Variants in TESPA1 observed in about 807,000 individuals in gnomAD.
TESPA1 encodes protein TESPA1.
TESPA1 carries 33 observed loss-of-function variants against 57.9 expected under a neutral mutation model. That is an observed-to-expected ratio of 0.57 (90% confidence interval 0.43 to 0.76). The LOEUF is 0.76. TESPA1 is among the 30% of genes least tolerant of loss of function. The pLI, the probability that TESPA1 is intolerant of heterozygous loss-of-function variation, is 0.00. For synonymous variants in TESPA1, 227 were observed against 228.9 expected, an observed-to-expected ratio of 0.99 and a Z score of 0.07; for missense variants, 618 against 632.9, an observed-to-expected ratio of 0.98 and a Z score of 0.25.
chr12:54,959,317 T>G (rs557593277), intron 10 of TESPA1, among the ~76,000 whole-genome samples: 1 of 152,308 alleles, frequency 6.6e-6, no homozygotes, highest in African/African-American at 2.4e-5. Context: ...TAAAACCTCA[T>G]CCGGTTAGGT....
chr12:54,961,341 T>G (rs2136091411), intron 9 of TESPA1, 74 bp from the exon 10 acceptor site: 1 of 1,543,314 alleles, frequency 6.5e-7, no homozygotes, highest in African/African-American at 1.4e-5. Context: ...AGGTGGCAGG[T>G]AGCTGTAGGG....
chr12:54,952,502 A>G (rs76724641), intron 10 of TESPA1, among the ~76,000 whole-genome samples: 3 of 152,234 alleles, frequency 2.0e-5, no homozygotes, highest in East Asian at 1.9e-4. Context: ...GCTATTTTAT[A>G]GTTTTGCAAG....
Position 54,963,895 on chromosome 12 carries a change from G to A in TESPA1, c.502C>T (p.Leu168=). ...QEDAEDVLFS[L]GFGQEDHKDT... The stretch of plus-strand genomic sequence containing the variant: ...TTGTGATCCTCTTGGCCAAAGCCCA[G>A]ACTGAAGAGGACATCTTCTGCATCT... Residue 168 remains leucine, a synonymous_variant, in exon 8 of 11, where the codon CTG becomes TTG. Transcript: ENST00000449076. 1 of 1,614,030 alleles carries A rather than the reference G, an allele frequency of 6.2e-7. No individual in the cohort carries two copies. Among genetic ancestry groups the A allele is most frequent in the Non-Finnish European group, 8.5e-7 (1 of 1,179,878 alleles).
intron 1 of TESPA1, among the ~76,000 whole-genome samples, chr12:54,975,043 C>T (rs550536694): frequency 1.3e-5 from 2 of 152,220 alleles, no homozygotes; most frequent in East Asian, 3.9e-4. Context: ...CTCATCAAGA[C>T]ATATGAAAAA....
At chr12:54,963,351 A>C in intron 8 of TESPA1, 109 bp from the exon 9 acceptor site, 5 of 1,089,680 alleles carry the variant, frequency 4.6e-6, no homozygotes, top group Non-Finnish European at 6.4e-6. Context: ...GAAGCTTCCA[A>C]TTTTCCTACT....
intron 10 of TESPA1, among the ~76,000 whole-genome samples, chr12:54,952,469 A>G (rs1159762316): frequency 6.6e-6 from 1 of 152,234 alleles, no homozygotes; most frequent in Non-Finnish European, 1.5e-5. Context: ...GTACAGTGTT[A>G]ATCTTGACTT....
At chr12:54,957,639 G>A (rs994191596) in intron 10 of TESPA1, among the ~76,000 whole-genome samples, 8 of 152,156 alleles carry the variant, frequency 5.3e-5, no homozygotes, top group Admixed American at 2.6e-4. Context: ...GAAAAATTTG[G>A]GAACTACTGT....
At chr12:54,971,653 A>G (rs1206471998) in intron 3 of TESPA1, among the ~76,000 whole-genome samples, 1 of 152,166 alleles carries the variant, frequency 6.6e-6, no homozygotes, top group Non-Finnish European at 1.5e-5. Context: ...TGCACCAGTC[A>G]CTCTATTTTC....
intron 5 of TESPA1, 113 bp downstream of exon 5, chr12:54,967,070 G>A: frequency 8.5e-7 from 1 of 1,176,496 alleles, no homozygotes; most frequent in South Asian, 1.3e-5. Context: ...CTGTAGATAA[G>A]ACCCCAGGGA....
Position 54,949,238 on chromosome 12 carries a change from G to GA in TESPA1, c.*1153dup, listed in dbSNP as rs1241326417. On this transcript the variant is annotated 3_prime_UTR_variant, in exon 11 of 11. Coordinates refer to ENST00000449076, the MANE Select transcript of TESPA1 (RefSeq NM_001136030.3). ...TTTGTCTCTGCCTCACTACGTATCA[G>GA]ACTCAGTTTGTGCCTTCTCCCCTAA... is the stretch of plus-strand genomic sequence containing the variant. The GA allele has an allele frequency of 6.6e-6, 1 of 152,152 alleles. No individual in the cohort carries two copies. The highest frequency in any genetic ancestry group is 1.5e-5 in the Non-Finnish European group (1 of 68,040). 9.4% of individuals were successfully genotyped at this position (152,152 alleles called of 1,614,324 possible).
Position 54,949,563 on chromosome 12 carries a change from T to C in TESPA1, c.*829A>G, listed in dbSNP as rs1950260747. On this transcript the variant is annotated 3_prime_UTR_variant, in exon 11 of 11. Coordinates refer to ENST00000449076, the MANE Select transcript of TESPA1 (RefSeq NM_001136030.3). ...GAGCACTGCATGTGCTCAAGCCCTG[T>C]TTATTGACAAAACATTTAACTTCCA... 1 of 152,338 alleles carries C rather than the reference T, an allele frequency of 6.6e-6. No individual in the cohort carries two copies. Among genetic ancestry groups the C allele is most frequent in the African/African-American group, 2.4e-5 (1 of 41,440 alleles). 9.4% of individuals were successfully genotyped at this position (152,338 alleles called of 1,614,324 possible). A position where few individuals can be genotyped will look rare whatever the true frequency, so the allele number is the denominator to read the frequency against.
At chr12:54,956,642 C>T (rs11829907) in intron 10 of TESPA1, among the ~76,000 whole-genome samples, 4 of 152,144 alleles carry the variant, frequency 2.6e-5, no homozygotes, top group African/African-American at 7.2e-5. Flanking sequence ...CTGTTGGCTG[C>T]GGGTCAAGGT....
chr12:54,964,986 G>A (rs1323720501), intron 7 of TESPA1, among the ~76,000 whole-genome samples: 1 of 152,172 alleles, frequency 6.6e-6, no homozygotes, highest in African/African-American at 2.4e-5. Context: ...ATTTGGTCAT[G>A]TGACAAAATT....
intron 1 of TESPA1, among the ~76,000 whole-genome samples, chr12:54,982,119 A>G (rs1952343702): frequency 6.6e-6 from 1 of 152,250 alleles, no homozygotes; most frequent in African/African-American, 2.4e-5. Flanking sequence ...CATGAACTGG[A>G]CAAACTCCAC....
At chr12:54,953,159 C>G (rs1199036524) in intron 10 of TESPA1, among the ~76,000 whole-genome samples, 4 of 152,186 alleles carry the variant, frequency 2.6e-5, no homozygotes, top group African/African-American at 7.2e-5. Context: ...AATAATCTTT[C>G]TAAAAGACAA....
At chr12:54,985,008 A>G (rs1221178579), upstream of TESPA1, among the ~76,000 whole-genome samples, 1 of 152,216 alleles carries the variant, frequency 6.6e-6, no homozygotes, top group African/African-American at 2.4e-5. Flanking sequence ...TCTTCCTACC[A>G]TATAACTAGA....
chr12:54,976,111 G>A (rs1449205527), intron 1 of TESPA1, among the ~76,000 whole-genome samples: 1 of 152,180 alleles, frequency 6.6e-6, no homozygotes, highest in East Asian at 1.9e-4. Context: ...CCTCGAAGAG[G>A]AGTAGCAGAG....
chr12:54,983,711 C>T (rs544370487), intron 1 of TESPA1, among the ~76,000 whole-genome samples: 66 of 152,262 alleles, frequency 4.3e-4, no homozygotes, highest in Admixed American at 7.2e-4. Context: ...CCTTTTTCTT[C>T]CACCCACTGG....
chr12:54,965,804 C>T (rs1234389822), intron 7 of TESPA1, among the ~76,000 whole-genome samples: 6 of 152,142 alleles, frequency 3.9e-5, no homozygotes, highest in Non-Finnish European at 8.8e-5. Context: ...CAGTACTATA[C>T]CTCCTGGGGT....
Sources: allele counts gnomAD v4.1 joint callset (sites outside exome capture counted in the v4.1 genomes callset), GRCh38; gene constraint gnomAD v4.1.1; transcripts MANE v1.5; gene names NCBI Gene and HGNC (gene_info 2026-07-23, HGNC 2026-07-21).